BTBD9: variants seen among roughly 807,000 people sequenced by gnomAD.
BTBD9 encodes the protein BTB domain containing 9, also known as BTB/POZ domain-containing protein 9.
A neutral mutation model predicts 64.3 loss-of-function variants in BTBD9; 49 were observed. The observed-to-expected ratio is 0.76, with a 90% CI of 0.61 to 0.97. The LOEUF (loss-of-function observed/expected upper bound fraction) is 0.97, where lower values mean the gene tolerates loss of function less well. Among genes scored for constraint, BTBD9 ranks in the 50% least tolerant of loss-of-function variants. The pLI is 0.00. For synonymous variants in BTBD9, 260 were observed against 274.7 expected, an observed-to-expected ratio of 0.95 and a Z score of 0.53; for missense variants, 598 against 762.1, an observed-to-expected ratio of 0.78 and a Z score of 2.53.
At chr6:38,176,495 G>A (rs1033047254) in intron 10 of BTBD9, among the ~76,000 whole-genome samples, 14 of 152,180 alleles carry the variant, frequency 9.2e-5, no homozygotes, top group Admixed American at 2.0e-4. Flanking sequence ...GCTCAGGCAC[G>A]GTCCTCGCCT....
chr6:38,222,254 G>GTTTTTTTTTTTTTTTTTTTTT lies in BTBD9; in HGVS notation c.1563-29658_1563-29657insAAAAAAAAAAAAAAAAAAAAA, dbSNP rs771737210. Among the ~76,000 whole-genome samples, 13 of 96,702 alleles carry GTTTTTTTTTTTTTTTTTTTTT rather than the reference G, an allele frequency of 1.3e-4. 5 individuals are homozygous for GTTTTTTTTTTTTTTTTTTTTT. Among genetic ancestry groups the GTTTTTTTTTTTTTTTTTTTTT allele is most frequent in the African/African-American group, 2.4e-4 (6 of 24,656 alleles). The allele number at this position is 96,702 out of a possible 152,430, so 63.4% of individuals were successfully genotyped here. The stretch of plus-strand genomic sequence containing the variant: ...TAAATTAGCCTTAATAATTCATTCA[G>GTTTTTTTTTTTTTTTTTTTTT]TTGTTTTTTTTTTTTTTTTTTTTTT... On this transcript the variant is annotated intron_variant, in intron 9 of 10. Transcript: ENST00000481247.
chr6:38,359,102 G>C (rs1764853689), intron 6 of BTBD9, among the ~76,000 whole-genome samples: 1 of 152,220 alleles, frequency 6.6e-6, no homozygotes, highest in South Asian at 2.1e-4. Flanking sequence ...GCTAAGGAAA[G>C]TTAAGTTAAA....
At chr6:38,582,334 G>A (rs901258042) in intron 4 of BTBD9, among the ~76,000 whole-genome samples, 1 of 152,148 alleles carries the variant, frequency 6.6e-6, no homozygotes, top group Admixed American at 6.5e-5. Context: ...GCTAGACACT[G>A]TCCTAAGCAC....
At chr6:38,618,769 G>A (rs1371556631) in intron 1 of BTBD9, among the ~76,000 whole-genome samples, 2 of 152,160 alleles carry the variant, frequency 1.3e-5, no homozygotes, top group Non-Finnish European at 2.9e-5. Context: ...CCTCACTTAG[G>A]GAGATGTCAT....
chr6:38,372,463 A>C (rs1432677164), intron 6 of BTBD9, among the ~76,000 whole-genome samples: 2 of 142,334 alleles, frequency 1.4e-5, no homozygotes, highest in Admixed American at 6.9e-5. Flanking sequence ...TGCTACAGCA[A>C]CTAAAAGAAA....
At chr6:38,276,151 A>G (rs1761232396) in intron 8 of BTBD9, among the ~76,000 whole-genome samples, 1 of 152,230 alleles carries the variant, frequency 6.6e-6, no homozygotes, top group Admixed American at 6.5e-5. Flanking sequence ...CATATCCACC[A>G]TGGAAAACTA....
At chr6:38,505,706 C>T (rs1283359336) in intron 6 of BTBD9, among the ~76,000 whole-genome samples, 3 of 151,712 alleles carry the variant, frequency 2.0e-5, no homozygotes, top group African/African-American at 7.3e-5. Context: ...GTGGCTCACG[C>T]CTGTAATCCT....
intron 1 of BTBD9, among the ~76,000 whole-genome samples, chr6:38,622,952 T>G (rs1355752551): frequency 6.6e-6 from 1 of 152,156 alleles, no homozygotes; most frequent in Admixed American, 6.5e-5. Flanking sequence ...TTTCAATTAC[T>G]CTCTTGAATG....
intron 9 of BTBD9, among the ~76,000 whole-genome samples, chr6:38,200,663 G>A (rs1443645953): frequency 6.6e-6 from 1 of 152,042 alleles, no homozygotes; most frequent in Non-Finnish European, 1.5e-5. Context: ...AGAAAACCTA[G>A]AAGAAATGGA....
In BTBD9 at chr6:38,592,725, A is replaced by G; in HGVS notation, c.665T>C (p.Met222Thr). 6.2e-6 allele frequency: 10 copies of G among 1,614,214 alleles called. No homozygotes were observed. The highest frequency in any genetic ancestry group is 1.3e-5 in the African/African-American group (1 of 75,060). ...HNSKENHAEIMQAVRLPLMSL... is the reference protein window; with the variant it reads ...HNSKENHAEITQAVRLPLMSL... ...CATGAGAGGTAAACGCACAGCCTGC[A>G]TGATTTCAGCATGATTCTCCTTTGA... The change falls in exon 4 of 11, where the codon ATG becomes ACG. Residue 222 changes from methionine to threonine, a missense_variant. Coordinates refer to ENST00000481247, the MANE Select transcript of BTBD9 (RefSeq NM_001099272.2).
chr6:38,369,863 G>A (rs528672521), intron 6 of BTBD9, among the ~76,000 whole-genome samples: 1 of 152,330 alleles, frequency 6.6e-6, no homozygotes, highest in Admixed American at 6.5e-5. Context: ...GAATTGGGAA[G>A]TAATATAAAT....
intron 7 of BTBD9, among the ~76,000 whole-genome samples, chr6:38,315,050 A>G (rs1338296941): frequency 2.6e-5 from 4 of 152,020 alleles, no homozygotes; most frequent in African/African-American, 7.2e-5. Context: ...GGGTTTCACC[A>G]TGTTAGCCAC....
intron 7 of BTBD9, among the ~76,000 whole-genome samples, chr6:38,308,317 T>G (rs1005668707): frequency 6.6e-6 from 1 of 152,246 alleles, no homozygotes; most frequent in African/African-American, 2.4e-5. Context: ...CTCTATTTTT[T>G]TCTTTCCTCC....
At chr6:38,366,826 T>A (rs2127601702) in intron 6 of BTBD9, among the ~76,000 whole-genome samples, 1 of 152,320 alleles carries the variant, frequency 6.6e-6, no homozygotes, top group East Asian at 1.9e-4. Context: ...GATCTTTTCT[T>A]CACGTGATAT....
At chr6:38,306,759 G>A (rs888468847) in intron 7 of BTBD9, among the ~76,000 whole-genome samples, 1 of 152,158 alleles carries the variant, frequency 6.6e-6, no homozygotes, top group Non-Finnish European at 1.5e-5. Flanking sequence ...TTATTTAACT[G>A]TCTCCAGAGA....
intron 8 of BTBD9, among the ~76,000 whole-genome samples, chr6:38,285,565 G>T (rs751413603): frequency 6.6e-6 from 1 of 152,120 alleles, no homozygotes; most frequent in Non-Finnish European, 1.5e-5. Context: ...ATGGAAAACG[G>T]AGAACATTAA....
At chr6:38,595,741 G>T (rs970556733) in intron 2 of BTBD9, 7 of 984,084 alleles carry the variant, frequency 7.1e-6, no homozygotes, top group Non-Finnish European at 8.4e-6. Context: ...AAACCACCCA[G>T]AAAAGATTCA....
intron 8 of BTBD9, among the ~76,000 whole-genome samples, chr6:38,282,056 G>C (rs1209894181): frequency 6.6e-6 from 1 of 152,156 alleles, no homozygotes; most frequent in Non-Finnish European, 1.5e-5. Flanking sequence ...CAATTAGCAA[G>C]TAGAAAGATA....
chr6:38,577,605 G>T lies in BTBD9; in HGVS notation c.1149C>A (p.Val383=). 6.2e-7 allele frequency: 1 copy of T among 1,606,706 alleles called. No homozygotes were observed. The highest frequency in any genetic ancestry group is 1.1e-5 in the South Asian group (1 of 90,496). Residue 383 remains valine (V), a synonymous_variant, in exon 6 of 11, where the codon GTC becomes GTA. Coordinates refer to ENST00000481247, the MANE Select transcript of BTBD9 (RefSeq NM_001099272.2). ...SWQKLYFPAR[V]CRYIRIVGTH... The stretch of plus-strand genomic sequence containing the variant: ...ATTAACCACTGAAAACTAACCTGCA[G>T]ACACGGGCTGGAAAATATAATTTCT...
Sources: allele counts gnomAD v4.1 joint callset (sites outside exome capture counted in the v4.1 genomes callset), GRCh38; gene constraint gnomAD v4.1.1; transcripts MANE v1.5; gene names NCBI Gene and HGNC (gene_info 2026-07-23, HGNC 2026-07-21).